NDUFS7: variants seen among roughly 807,000 people sequenced by gnomAD.
The protein encoded by NDUFS7 is NADH:ubiquinone oxidoreductase core subunit S7.
Under a neutral mutation model 31.1 loss-of-function variants are expected in NDUFS7, and 11 were observed. That is an observed-to-expected ratio of 0.35 (90% CI 0.22 to 0.59). The LOEUF is 0.59. Among genes scored for constraint, NDUFS7 ranks in the 20% least tolerant of loss-of-function variants. NDUFS7 has a pLI of 0.79. For synonymous variants in NDUFS7, 136 were observed against 127.9 expected, an observed-to-expected ratio of 1.06 and a Z score of -0.43; for missense variants, 263 against 324.2, an observed-to-expected ratio of 0.81 and a Z score of 1.45.
chr19:1,385,425 A>G (rs1206510133), intron 1 of NDUFS7, among the ~76,000 whole-genome samples: 3 of 152,138 alleles, frequency 2.0e-5, no homozygotes, highest in Non-Finnish European at 4.4e-5. Flanking sequence ...GGGCAAGAGA[A>G]TCGCTTGAAC....
At chr19:1,384,125 G>T (rs975753071) in intron 1 of NDUFS7, 183 bp downstream of exon 1, 12 of 657,522 alleles carry the variant, frequency 1.8e-5, no homozygotes, top group African/African-American at 1.8e-4. Context: ...CCGTTATTGC[G>T]TCCAGAGTAC....
chr19:1,383,975 G>A, intron 1 of NDUFS7, 33 bp downstream of exon 1: 1 of 1,554,086 alleles, frequency 6.4e-7, no homozygotes, highest in South Asian at 1.2e-5. Flanking sequence ...GTGTGGGGCC[G>A]CGCGGGTCTG....
intron 2 of NDUFS7, 68 bp downstream of exon 2, chr19:1,387,915 GGGGGTGGGGGGTGGGGGGA>G (rs2082519396): frequency 9.9e-6 from 4 of 405,606 alleles, no homozygotes; most frequent in Non-Finnish European, 1.5e-5. Flanking sequence ...ACGGGGCGGG[GGGGGTGGGGGGTGGGGGGA>G]GCGCCTTGTT....
At position 1,393,355 on chromosome 19, in the gene NDUFS7, C is replaced by T. The variant is rs750858534; in HGVS notation, c.544+25C>T. 53 of 1,545,484 alleles carry T rather than the reference C, an allele frequency of 3.4e-5. 2 individuals carry two copies. The highest frequency in any genetic ancestry group is 2.0e-4 in the African/African-American group (15 of 73,332). On this transcript the variant is annotated intron_variant, in intron 7 of 7. Transcript: ENST00000233627. The surrounding 1 kb of genome is among the most constrained non-coding windows in gnomAD (Gnocchi z 7.3). The stretch of plus-strand genomic sequence containing the variant: ...GGTAGGGCCGGGACCGCACCGCCCA[C>T]GAGGGAGCTGGAGACAGGGCCAGCG...
chr19:1,393,730 G>A lies in NDUFS7; in HGVS notation c.544+400G>A. The A allele has an allele frequency of 1.9e-6, 1 of 524,108 alleles. No individual in the cohort carries two copies. Among genetic ancestry groups the A allele is most frequent in the Non-Finnish European group, 3.4e-6 (1 of 291,628 alleles). 32.5% of individuals were successfully genotyped at this position (524,108 alleles called of 1,614,324 possible). A position where few individuals can be genotyped will look rare whatever the true frequency, so the allele number is the denominator to read the frequency against. ...GCAGGACTCCCTGGGACCCGGGGTG[G>A]CCGGATTTGGCAAATGAAAACGTGG... On this transcript the variant is annotated intron_variant, in intron 7 of 7. Transcript: ENST00000233627. The surrounding 1 kb of genome is among the most constrained non-coding windows in gnomAD (Gnocchi z 7.3).
chr19:1,384,270 C>A (rs1375852209), intron 1 of NDUFS7: 2 of 415,256 alleles, frequency 4.8e-6, no homozygotes, highest in African/African-American at 2.1e-5. Flanking sequence ...TCTTGAGATG[C>A]CCTGGAGAGA....
chr19:1,383,976 CGCGGGTCTGGGGCCGT>C lies in NDUFS7; in HGVS notation c.16+36_16+51del, dbSNP rs1383709309. 5.8e-6 allele frequency: 9 copies of C among 1,553,510 alleles called. No individual in the cohort carries two copies. In the East Asian group the frequency reaches 2.0e-4, roughly 34 times the overall value. On this transcript the variant is annotated intron_variant, in intron 1 of 7. Transcript: ENST00000233627. ...GGCACCGGCGGCGGGTGTGGGGCCGCGCGGGTCTGGGGCCGTGGGAGCCTCGGGTGTCGTGGTGGCG... is the reference window on the plus strand; with the variant it reads ...GGCACCGGCGGCGGGTGTGGGGCCGCGGGAGCCTCGGGTGTCGTGGTGGCG...
intron 4 of NDUFS7, chr19:1,389,423 G>T (rs1238616948): frequency 4.4e-6 from 2 of 458,514 alleles, no homozygotes; most frequent in Non-Finnish European, 8.8e-6. Flanking sequence ...ACACACCCCT[G>T]CGGCCGTGGA....
At position 1,395,521 on chromosome 19, in the gene NDUFS7, G is replaced by A. The variant is rs553051255; in HGVS notation, c.*33G>A. 67 of 1,554,380 alleles carry A rather than the reference G, an allele frequency of 4.3e-5. No homozygotes were observed. Among genetic ancestry groups the A allele is most frequent in the East Asian group, 3.8e-4 (16 of 41,610 alleles). On this transcript the variant is annotated 3_prime_UTR_variant, in exon 8 of 8. Transcript: ENST00000233627. Reference sequence around the variant, plus strand: ...GCCGCCGCCGCCGGAGCCTGTCGCCGTCCTGTCCCCAGCCTGCTTGTGTCC... The same window carrying A: ...GCCGCCGCCGCCGGAGCCTGTCGCCATCCTGTCCCCAGCCTGCTTGTGTCC...
At position 1,393,291 on chromosome 19, in the gene NDUFS7, G is replaced by A. The variant is rs776899903; in HGVS notation, c.505G>A (p.Gly169Ser). ...CCACTATTCCTACTCGGTGGTGAGGGGCTGCGACCGCATCGTGCCCGTGGA... is the reference window on the plus strand; with the variant it reads ...CCACTATTCCTACTCGGTGGTGAGGAGCTGCGACCGCATCGTGCCCGTGGA... The part of the protein sequence containing the change: ...YYHYSYSVVR[G>S]CDRIVPVDIY... Residue 169 changes from glycine (G) to serine (S), a missense_variant, in exon 7 of 8, where the codon GGC (glycine) becomes AGC (serine). Transcript: ENST00000233627. This position sits in a 1 kb window ranked among gnomAD's most constrained non-coding sequence, Gnocchi z 7.3. 1.3e-6 allele frequency: 2 copies of A among 1,589,412 alleles called. No homozygotes were observed. Among genetic ancestry groups the A allele is most frequent in the Admixed American group, 3.5e-5 (2 of 56,726 alleles).
At chr19:1,394,387 G>C (rs756812247) in intron 7 of NDUFS7, 1 of 1,289,122 alleles carries the variant, frequency 7.8e-7, no homozygotes, top group Admixed American at 2.3e-5. Context: ...GGCAAGTTGC[G>C]AGTGTGGACT....
chr19:1,383,984 T>A (rs1244392525), intron 1 of NDUFS7, 42 bp downstream of exon 1: 34 of 1,543,704 alleles, frequency 2.2e-5, no homozygotes, highest in Non-Finnish European at 2.9e-5. Flanking sequence ...CGCGCGGGTC[T>A]GGGGCCGTGG....
chr19:1,395,344 C>T lies in NDUFS7; in HGVS notation c.545-47C>T, dbSNP rs368394664. ...GCCGGCTGCGCTGTGCACGCGGTCACGCGGGCTCCGGCTGCGGGAAGCGAG... is the reference window on the plus strand; with the variant it reads ...GCCGGCTGCGCTGTGCACGCGGTCATGCGGGCTCCGGCTGCGGGAAGCGAG... On this transcript the variant is annotated intron_variant, in intron 7 of 7. Coordinates refer to ENST00000233627, the MANE Select transcript of NDUFS7 (RefSeq NM_024407.5). 6.2e-5 allele frequency: 98 copies of T among 1,573,024 alleles called. 2 individuals are homozygous for T. The highest frequency in any genetic ancestry group is 5.7e-4 in the Admixed American group (30 of 52,972).
At position 1,393,427 on chromosome 19, in the gene NDUFS7, C is replaced by T; in HGVS notation, c.544+97C>T. 9.8e-7 allele frequency: 1 copy of T among 1,023,354 alleles called. No homozygotes were observed. Among genetic ancestry groups the T allele is most frequent in the Non-Finnish European group, 1.5e-6 (1 of 678,850 alleles). The allele number at this position is 1,023,354 out of a possible 1,614,324, so 63.4% of individuals were successfully genotyped here. A position where few individuals can be genotyped will look rare whatever the true frequency, so the allele number is the denominator to read the frequency against. ...CTGTGAGGGAGTCCCACACCCCCAG[C>T]AGACGGCGGGCTCCCCCATCCTATG... On this transcript the variant is annotated intron_variant, in intron 7 of 7. Coordinates refer to ENST00000233627, the MANE Select transcript of NDUFS7 (RefSeq NM_024407.5). This position sits in a 1 kb window ranked among gnomAD's most constrained non-coding sequence, Gnocchi z 7.3.
chr19:1,393,193 T>C lies in NDUFS7; in HGVS notation c.456-49T>C. ...GGGGCGAGGCCTCGTGGAGGGAGGG[T>C]GGGCAGGCGGGTCTTCGGCACACTC... On this transcript the variant is annotated intron_variant, in intron 6 of 7. Coordinates refer to ENST00000233627, the MANE Select transcript of NDUFS7 (RefSeq NM_024407.5). This position sits in a 1 kb window ranked among gnomAD's most constrained non-coding sequence, Gnocchi z 7.3. 1 of 1,366,612 alleles carries C rather than the reference T, an allele frequency of 7.3e-7. No individual in the cohort carries two copies. The highest frequency in any genetic ancestry group is 9.8e-7 in the Non-Finnish European group (1 of 1,025,262). The allele number at this position is 1,366,612 out of a possible 1,614,324, so 84.7% of individuals were successfully genotyped here. A position where few individuals can be genotyped will look rare whatever the true frequency, so the allele number is the denominator to read the frequency against.
intron 1 of NDUFS7, chr19:1,384,288 C>T (rs1050538698): frequency 8.2e-5 from 30 of 366,538 alleles, no homozygotes; most frequent in Non-Finnish European, 1.4e-4. Context: ...AGAGCGGGGC[C>T]TGCCTGACAG....
At position 1,388,327 on chromosome 19, in the gene NDUFS7, T is replaced by C. The variant is rs923812008; in HGVS notation, c.54-198T>C. The C allele has an allele frequency of 1.1e-5, 7 of 630,178 alleles. No individual in the cohort carries two copies. The African/African-American group carries it at 1.3e-4, about 11-fold the overall frequency. The allele number at this position is 630,178 out of a possible 1,614,324, so 39.0% of individuals were successfully genotyped here. A position where few individuals can be genotyped will look rare whatever the true frequency, so the allele number is the denominator to read the frequency against. On this transcript the variant is annotated intron_variant, in intron 2 of 7. Coordinates refer to ENST00000233627, the MANE Select transcript of NDUFS7 (RefSeq NM_024407.5). ...TGGGTACGTCACAAAAGAAGTTCCA[T>C]TCAAGTCTGGGCCATCATTGGGGGT... is the stretch of plus-strand genomic sequence containing the variant.
chr19:1,395,107 G>C (rs1286775637), intron 7 of NDUFS7: 1 of 1,329,568 alleles, frequency 7.5e-7, no homozygotes, highest in African/African-American at 1.5e-5. Context: ...GCCGGGGGCC[G>C]GGTTAGTGAG....
In NDUFS7 at chr19:1,385,339, A is replaced by AC. The variant is rs1280117212; in HGVS notation, c.16+1401dup. ...AGACCAGCCTGGCCAACATGGAGAA[A>AC]CCCCGTCTCTACTAAAAATACAAAA... On this transcript the variant is annotated intron_variant, in intron 1 of 7. Coordinates refer to ENST00000233627, the MANE Select transcript of NDUFS7 (RefSeq NM_024407.5). 4.6e-5 allele frequency among the ~76,000 whole-genome samples: 7 copies of AC among 150,780 alleles called. No homozygotes were observed. The East Asian group carries it at 1.4e-3, about 30-fold the overall frequency.
Sources: gnomAD v4.1 joint callset for allele counts (sites outside exome capture counted in the v4.1 genomes callset) on GRCh38, gnomAD v4.1.1 for gene constraint, Gnocchi (gnomAD v3.1) non-coding constraint, MANE v1.5 for transcripts, NCBI Gene and HGNC (gene_info 2026-07-23, HGNC 2026-07-21) for gene names.